LRMDA: variants seen among roughly 807,000 people sequenced by gnomAD.
LRMDA encodes the protein leucine rich melanocyte differentiation associated, also known as leucine-rich melanocyte differentiation-associated protein.
Under a neutral mutation model 29.8 loss-of-function variants are expected in LRMDA, and 18 were observed. The ratio of observed to expected loss-of-function variants is 0.60; its 90% CI spans 0.42 to 0.90. The LOEUF is 0.90. Among genes scored for constraint, LRMDA ranks in the 40% least tolerant of loss-of-function variants. The probability of loss-of-function intolerance (pLI) is 0.00; values close to 1 mark genes in which losing one functional copy is unlikely to be tolerated. For missense variants in LRMDA, 273 were observed against 273.9 expected (o/e 1.00, Z 0.02); for synonymous variants, 125 against 109.4 (o/e 1.14, Z -0.89).
chr10:75,671,495 G>C (rs1212098274), intron 2 of LRMDA, among the ~76,000 whole-genome samples: 1 of 152,082 alleles, frequency 6.6e-6, no homozygotes, highest in African/African-American at 2.4e-5. Flanking sequence ...AGGGACATGG[G>C]TGAAGCTGGA....
At chr10:75,928,089 T>A (rs1392354546) in intron 2 of LRMDA, among the ~76,000 whole-genome samples, 1 of 152,010 alleles carries the variant, frequency 6.6e-6, no homozygotes, top group Non-Finnish European at 1.5e-5. Context: ...CATCTATTTT[T>A]AAAATTATGA....
intron 2 of LRMDA, among the ~76,000 whole-genome samples, chr10:75,910,262 T>C (rs1845821839): frequency 6.6e-6 from 1 of 152,196 alleles, no homozygotes; most frequent in African/African-American, 2.4e-5. Flanking sequence ...TGTGGCTCTT[T>C]TAGATGAGTT....
intron 2 of LRMDA, among the ~76,000 whole-genome samples, chr10:75,542,948 C>G (rs1040227649): frequency 2.0e-5 from 3 of 152,112 alleles, no homozygotes; most frequent in Non-Finnish European, 4.4e-5. Flanking sequence ...TTAATGACAC[C>G]GAGGAGTGAC....
rs1367497670 is a variant in LRMDA, at chr10:75,945,240, A to G, written c.132-90768A>G. Reference sequence around the variant, plus strand: ...CTCTCATGTGGAAAGTAGCCCCTGAAATCTGTGGTCAGTTCTTTCAGACTT... The same window carrying G: ...CTCTCATGTGGAAAGTAGCCCCTGAGATCTGTGGTCAGTTCTTTCAGACTT... On this transcript the variant is annotated intron_variant, in intron 2 of 6. Transcript: ENST00000611255. Among the ~76,000 whole-genome samples the G allele has an allele frequency of 3.3e-5, 5 of 152,184 alleles. No individual in the cohort carries two copies. The East Asian group carries it at 9.6e-4, about 29-fold the overall frequency.
intron 2 of LRMDA, among the ~76,000 whole-genome samples, chr10:75,586,512 C>A (rs1300621738): frequency 6.6e-6 from 1 of 151,966 alleles, no homozygotes; most frequent in Non-Finnish European, 1.5e-5. Context: ...TATGCGCCAC[C>A]ATGCCTGGCT....
chr10:75,611,814 G>A (rs1011272368), intron 2 of LRMDA, among the ~76,000 whole-genome samples: 1 of 152,256 alleles, frequency 6.6e-6, no homozygotes, highest in Middle Eastern at 3.4e-3. Flanking sequence ...TGTCCTTTTG[G>A]CCAAATGCCG....
chr10:76,543,488 C>T (rs1405311278), intron 6 of LRMDA, among the ~76,000 whole-genome samples: 1 of 151,948 alleles, frequency 6.6e-6, no homozygotes, highest in Non-Finnish European at 1.5e-5. Context: ...TTTCTGAGTC[C>T]AGGGCCATCT....
chr10:76,496,753 A>G (rs1242696798), intron 6 of LRMDA, among the ~76,000 whole-genome samples: 1 of 75,098 alleles, frequency 1.3e-5, no homozygotes, highest in African/African-American at 3.2e-5. Context: ...TCCTTTGGGG[A>G]CATTGCCTTC....
intron 2 of LRMDA, among the ~76,000 whole-genome samples, chr10:75,908,994 T>C (rs1045415242): frequency 1.3e-5 from 2 of 152,192 alleles, no homozygotes; most frequent in African/African-American, 4.8e-5. Flanking sequence ...CAGCATCTAG[T>C]ATTACCTTAA....
intron 6 of LRMDA, among the ~76,000 whole-genome samples, chr10:76,526,911 C>A (rs1390396658): frequency 6.6e-6 from 1 of 150,488 alleles, no homozygotes; most frequent in African/African-American, 2.4e-5. Flanking sequence ...AGCGCACCAG[C>A]ATGGCACATG....
At chr10:76,342,068 T>C (rs1274868732) in intron 6 of LRMDA, among the ~76,000 whole-genome samples, 1 of 152,172 alleles carries the variant, frequency 6.6e-6, no homozygotes, top group Non-Finnish European at 1.5e-5. Flanking sequence ...AAATACAGTA[T>C]TCCCCGGTAA....
chr10:75,849,230 A>G (rs112531873), intron 2 of LRMDA, among the ~76,000 whole-genome samples: 15 of 151,896 alleles, frequency 9.9e-5, no homozygotes, highest in East Asian at 7.8e-4. Flanking sequence ...TGTAAATTCA[A>G]TTCCCAGCAT....
chr10:75,493,388 T>TGTGA, intron 2 of LRMDA, among the ~76,000 whole-genome samples: 1 of 150,522 alleles, frequency 6.6e-6, no homozygotes, highest in South Asian at 2.1e-4. Flanking sequence ...TGTGTGTGTG[T>TGTGA]GAAGTCCATG....
chr10:75,540,141 T>C (rs912199477), intron 2 of LRMDA, among the ~76,000 whole-genome samples: 1 of 152,156 alleles, frequency 6.6e-6, no homozygotes, highest in African/African-American at 2.4e-5. Context: ...AGTAAAGGGT[T>C]AGGTGCCTCA....
intron 5 of LRMDA, among the ~76,000 whole-genome samples, chr10:76,205,099 G>A (rs1851509933): frequency 6.6e-6 from 1 of 152,228 alleles, no homozygotes; most frequent in Non-Finnish European, 1.5e-5. Context: ...AGAGGTAGTA[G>A]AGGATGCCTA....
At chr10:76,320,896 T>C (rs1021211964) in intron 5 of LRMDA, among the ~76,000 whole-genome samples, 2 of 152,228 alleles carry the variant, frequency 1.3e-5, no homozygotes, top group Non-Finnish European at 2.9e-5. Context: ...TTTCCCTGCA[T>C]ACATGAAATC....
intron 1 of LRMDA, among the ~76,000 whole-genome samples, chr10:75,435,243 G>A (rs549751932): frequency 2.2e-4 from 33 of 152,274 alleles, no homozygotes; most frequent in African/African-American, 5.5e-4. Context: ...TCTGTATCCC[G>A]TCTCCCTTTT....
chr10:76,324,495 C>G lies in LRMDA; in HGVS notation c.601+10C>G. ...CTCACCAGTCACCAAGGTTGGAACT[C>G]AGCTTTTTATTGCTCTCAGTGGGTG... is the stretch of plus-strand genomic sequence containing the variant. On this transcript the variant is annotated intron_variant, in intron 6 of 6. Coordinates refer to ENST00000611255, the MANE Select transcript of LRMDA (RefSeq NM_001305581.2). 2 of 1,613,736 alleles carry G rather than the reference C, an allele frequency of 1.2e-6. No individual in the cohort carries two copies. Among genetic ancestry groups the G allele is most frequent in the South Asian group, 1.1e-5 (1 of 91,050 alleles).
At chr10:76,288,728 C>T (rs1187669286) in intron 5 of LRMDA, among the ~76,000 whole-genome samples, 1 of 152,122 alleles carries the variant, frequency 6.6e-6, no homozygotes, top group East Asian at 1.9e-4. Flanking sequence ...TTTGCACCTC[C>T]AACCCCAAAC....
Sources: gnomAD v4.1 joint callset for allele counts (sites outside exome capture counted in the v4.1 genomes callset) on GRCh38, gnomAD v4.1.1 for gene constraint, MANE v1.5 for transcripts, NCBI Gene and HGNC (gene_info 2026-07-23, HGNC 2026-07-21) for gene names.